Variants in EXOC3L2 observed in about 807,000 individuals in gnomAD.
The protein encoded by EXOC3L2 is exocyst complex component 3 like 2.
Under a neutral mutation model 44.4 loss-of-function variants are expected in EXOC3L2, and 17 were observed. That is an observed-to-expected ratio of 0.38 (90% CI 0.26 to 0.57). The LOEUF is 0.57. Ranked by LOEUF, EXOC3L2 falls within the 20% of genes least tolerant of loss-of-function variation. EXOC3L2 has a pLI of 0.65. For synonymous variants in EXOC3L2, 256 were observed against 253.7 expected, an observed-to-expected ratio of 1.01 and a Z score of -0.09; for missense variants, 541 against 588.4, an observed-to-expected ratio of 0.92 and a Z score of 0.83.
At chr19:45,240,325 C>G (rs1451572801) in intron 1 of EXOC3L2, among the ~76,000 whole-genome samples, 3 of 151,392 alleles carry the variant, frequency 2.0e-5, no homozygotes, top group Non-Finnish European at 2.9e-5. Context: ...GCTATGTTGC[C>G]CAGGCTGGTC....
chr19:45,214,224 C>T (rs760454836), intron 11 of EXOC3L2, among the ~76,000 whole-genome samples: 1 of 152,158 alleles, frequency 6.6e-6, no homozygotes, highest in Admixed American at 6.6e-5. Flanking sequence ...TCAGAACTGA[C>T]CACCCTGAAT....
In EXOC3L2 at chr19:45,213,016, T is replaced by C. The variant is rs1432058518; in HGVS notation, c.*53A>G. On this transcript the variant is annotated 3_prime_UTR_variant, in exon 12 of 12. Transcript: ENST00000413988. ...GTCAGGAGGGGCGCCGTACGGGAGG[T>C]TGGCTTGTCAGCAGCATAGATGGGG... is the stretch of plus-strand genomic sequence containing the variant. 8 of 1,420,076 alleles carry C rather than the reference T, an allele frequency of 5.6e-6. No homozygotes were observed. The Admixed American group carries it at 9.5e-5, about 17-fold the overall frequency. The allele number at this position is 1,420,076 out of a possible 1,614,324, so 88.0% of individuals were successfully genotyped here. A position where few individuals can be genotyped will look rare whatever the true frequency, so the allele number is the denominator to read the frequency against.
intron 1 of EXOC3L2, among the ~76,000 whole-genome samples, chr19:45,241,461 G>T (rs1970130701): frequency 7.2e-6 from 1 of 139,234 alleles, no homozygotes; most frequent in African/African-American, 2.7e-5. Flanking sequence ...CTGGGCGACA[G>T]AGCAAGACTC....
At chr19:45,231,742 A>C (rs766794060) in intron 4 of EXOC3L2, 21 bp downstream of exon 4, 1 of 1,589,414 alleles carries the variant, frequency 6.3e-7, no homozygotes, top group Non-Finnish European at 8.6e-7. Flanking sequence ...TCCTGCTTCC[A>C]AAATGCAAAG....
Position 45,227,745 on chromosome 19 carries a change from A to T in EXOC3L2, c.1500T>A (p.His500Gln). The T allele has an allele frequency of 1.2e-6, 2 of 1,612,752 alleles. No homozygotes were observed. The highest frequency in any genetic ancestry group is 1.7e-6 in the Non-Finnish European group (2 of 1,179,746). ...GCATCTCCCGGACTGCTGGGTTCTCATGGAATCGCTCCACACGCTGCTGGA... is the reference window on the plus strand; with the variant it reads ...GCATCTCCCGGACTGCTGGGTTCTCTTGGAATCGCTCCACACGCTGCTGGA... ...QSFQQRVERFHENPAVREMLP... is the reference protein window; with the variant it reads ...QSFQQRVERFQENPAVREMLP... The change falls in exon 7 of 12, where the codon CAT (histidine) becomes CAA (glutamine). Residue 500 changes from histidine (H) to glutamine (Q), a missense_variant. Physicochemically the swap from His to Gln is conservative, Grantham distance 24. Coordinates refer to ENST00000413988, the MANE Select transcript of EXOC3L2 (RefSeq NM_001382422.1).
intron 1 of EXOC3L2, among the ~76,000 whole-genome samples, chr19:45,244,562 C>A (rs952006466): frequency 6.6e-6 from 1 of 152,140 alleles, no homozygotes; most frequent in African/African-American, 2.4e-5. Flanking sequence ...AGTGCCCAGC[C>A]CCTGACTCAC....
intron 2 of EXOC3L2, among the ~76,000 whole-genome samples, chr19:45,237,648 G>A (rs1288011066): frequency 3.3e-5 from 5 of 152,108 alleles, no homozygotes. Flanking sequence ...GGGGCTTGGA[G>A]TAGGAATGGG....
chr19:45,241,547 G>C (rs1970132190), intron 1 of EXOC3L2, among the ~76,000 whole-genome samples: 1 of 151,722 alleles, frequency 6.6e-6, no homozygotes, highest in Non-Finnish European at 1.5e-5. Flanking sequence ...GCCTTCCATG[G>C]CTCCCTAGTA....
At chr19:45,240,758 G>T (rs753954101) in intron 1 of EXOC3L2, among the ~76,000 whole-genome samples, 1 of 152,098 alleles carries the variant, frequency 6.6e-6, no homozygotes, top group Non-Finnish European at 1.5e-5. Context: ...TAAAAAATTA[G>T]CCGGGCGTGG....
chr19:45,244,331 GC>G (rs71173129), intron 1 of EXOC3L2, among the ~76,000 whole-genome samples: 28,837 of 151,772 alleles, frequency 0.19, 3,555 homozygotes, highest in Non-Finnish European at 0.28. Flanking sequence ...AAAATTTCAG[GC>G]TCGAATTTCC....
At chr19:45,216,318 G>A (rs1969834651) in intron 10 of EXOC3L2, 124 bp from the exon 11 acceptor site, 1 of 1,354,782 alleles carries the variant, frequency 7.4e-7, no homozygotes, top group Non-Finnish European at 9.9e-7. Flanking sequence ...GCTCAAGCCT[G>A]TAATCCCAGC....
Position 45,216,180 on chromosome 19 carries a change from C to A in EXOC3L2, c.2013G>T (p.Ser671=), listed in dbSNP as rs1482757962. The A allele has an allele frequency of 1.9e-6, 3 of 1,613,734 alleles. No individual in the cohort carries two copies. In the South Asian group the frequency reaches 3.3e-5, roughly 18 times the overall value. ...RLFRRLESQA[S]WLDAVVPHLA... ...AATGGGGCACCACGGCATCCAGCCACGAGGCCTGGGACTCCTGCAGGGGAG... is the reference window on the plus strand; with the variant it reads ...AATGGGGCACCACGGCATCCAGCCAAGAGGCCTGGGACTCCTGCAGGGGAG... The change falls in exon 11 of 12, where the codon TCG becomes TCT. Residue 671 remains serine (S), a synonymous_variant. Transcript: ENST00000413988.
chr19:45,227,152 C>CT (rs1474157173), intron 7 of EXOC3L2, among the ~76,000 whole-genome samples: 1 of 150,006 alleles, frequency 6.7e-6, no homozygotes, highest in Non-Finnish European at 1.5e-5. Flanking sequence ...GAGTCTTGCT[C>CT]TGTCTTCCAG....
intron 6 of EXOC3L2, 92 bp from the exon 7 acceptor site, chr19:45,227,864 ACT>A (rs1969982901): frequency 6.6e-7 from 1 of 1,504,546 alleles, no homozygotes; most frequent in South Asian, 1.2e-5. Context: ...CTGCGGTGGC[ACT>A]CTACCTGTCC....
intron 8 of EXOC3L2, among the ~76,000 whole-genome samples, chr19:45,223,406 G>A (rs1025391149): frequency 2.0e-5 from 3 of 152,020 alleles, no homozygotes; most frequent in Non-Finnish European, 2.9e-5. Flanking sequence ...GCAATGGTGC[G>A]ATCTTGGCTC....
chr19:45,239,146 G>A (rs958943597), intron 1 of EXOC3L2, 85 bp from the exon 2 acceptor site: 7 of 397,808 alleles, frequency 1.8e-5, no homozygotes, highest in African/African-American at 1.4e-4. Flanking sequence ...AGCACTTTGG[G>A]GTGAGCGTAC....
intron 2 of EXOC3L2, among the ~76,000 whole-genome samples, chr19:45,236,523 T>G (rs1173673944): frequency 7.4e-6 from 1 of 134,534 alleles, no homozygotes; most frequent in Non-Finnish European, 1.6e-5. Flanking sequence ...ATTGTGGAAG[T>G]GAGTTGGGCT....
At chr19:45,215,715 G>T (rs1001427167) in intron 11 of EXOC3L2, among the ~76,000 whole-genome samples, 1 of 152,136 alleles carries the variant, frequency 6.6e-6, no homozygotes. Context: ...TGCCGCCTGC[G>T]CCTGCCGCTG....
chr19:45,218,169 CA>C, intron 9 of EXOC3L2, 27 bp downstream of exon 9: 62 of 1,332,286 alleles, frequency 4.7e-5, no homozygotes, highest in South Asian at 6.7e-5. Context: ...CCCCCACCCC[CA>C]CCTCCCCTCC....
Sources: allele counts gnomAD v4.1 joint callset (sites outside exome capture counted in the v4.1 genomes callset), GRCh38; gene constraint gnomAD v4.1.1; transcripts MANE v1.5; gene names NCBI Gene and HGNC (gene_info 2026-07-23, HGNC 2026-07-21).